The following GRIK1 variants were observed in gnomAD, a reference collection of about 807,000 sequenced individuals.
The protein encoded by GRIK1 is glutamate receptor ionotropic, kainate 1.
A neutral mutation model predicts 105.7 loss-of-function variants in GRIK1; 69 were observed. That is an observed-to-expected ratio of 0.65 (90% confidence interval 0.54 to 0.80). GRIK1 has a LOEUF of 0.80. GRIK1 is among the 30% of genes least tolerant of loss of function. GRIK1 has a pLI of 0.00. For missense variants in GRIK1, 1,109 were observed against 1,167.3 expected (o/e 0.95, Z 0.73); for synonymous variants, 438 against 431.3 (o/e 1.02, Z -0.19).
rs74887257 is a variant in GRIK1, at chr21:29,924,582, C to A, written c.118+14801G>T. Reference sequence around the variant, plus strand: ...TATGAGGTCAATGTGCAATTCCCAACCTACCTATCTTAGCATTTACCTGAA... The same window carrying A: ...TATGAGGTCAATGTGCAATTCCCAAACTACCTATCTTAGCATTTACCTGAA... On this transcript the variant is annotated intron_variant, in intron 1 of 17. Coordinates refer to ENST00000327783, the MANE Select transcript of GRIK1 (RefSeq NM_001330994.2). Among the ~76,000 whole-genome samples the A allele has an allele frequency of 9.7e-3, 1,484 of 152,240 alleles. 18 individuals carry two copies. Among genetic ancestry groups the A allele is most frequent in the African/African-American group, 0.034 (1,425 of 41,542 alleles).
intron 2 of GRIK1, among the ~76,000 whole-genome samples, chr21:29,691,655 C>T (rs1051119441): frequency 5.3e-5 from 8 of 152,210 alleles, no homozygotes; most frequent in South Asian, 2.1e-4. Context: ...AAATTTAGAA[C>T]GGTCATCAGA....
At chr21:29,811,942 A>G (rs928002225) in intron 1 of GRIK1, among the ~76,000 whole-genome samples, 2 of 152,064 alleles carry the variant, frequency 1.3e-5, no homozygotes, top group African/African-American at 2.4e-5. Flanking sequence ...TTCTTACTAT[A>G]TCAGGTCTCT....
chr21:29,871,105 T>A (rs1423888251), intron 1 of GRIK1, among the ~76,000 whole-genome samples: 3 of 152,144 alleles, frequency 2.0e-5, no homozygotes, highest in African/African-American at 7.2e-5. Flanking sequence ...TCTTCTGCTC[T>A]CCCTGGATAA....
chr21:29,680,265 C>A (rs1033686209), intron 3 of GRIK1, among the ~76,000 whole-genome samples: 3 of 152,162 alleles, frequency 2.0e-5, no homozygotes, highest in Admixed American at 6.5e-5. Flanking sequence ...CCCAATGTCA[C>A]CACACAAATG....
intron 1 of GRIK1, among the ~76,000 whole-genome samples, chr21:29,861,856 C>T (rs2068650779): frequency 6.6e-6 from 1 of 152,078 alleles, no homozygotes; most frequent in Non-Finnish European, 1.5e-5. Flanking sequence ...TTATTGGATT[C>T]AGCTTGCTAA....
intron 1 of GRIK1, among the ~76,000 whole-genome samples, chr21:29,853,358 T>C (rs1435199796): frequency 6.6e-6 from 1 of 152,238 alleles, no homozygotes. Flanking sequence ...GGCAGCACCC[T>C]TGGCCAAGAA....
At chr21:29,705,531 A>G (rs1216996233) in intron 1 of GRIK1, among the ~76,000 whole-genome samples, 1 of 152,224 alleles carries the variant, frequency 6.6e-6, no homozygotes, top group African/African-American at 2.4e-5. Context: ...TGATCTGTAG[A>G]TCTACTCTCT....
At chr21:29,744,193 A>C (rs1003252749) in intron 1 of GRIK1, among the ~76,000 whole-genome samples, 1 of 152,238 alleles carries the variant, frequency 6.6e-6, no homozygotes, top group African/African-American at 2.4e-5. Context: ...TTCCTGGTCC[A>C]GGGACCTACT....
chr21:29,863,441 T>C (rs2068707898), intron 1 of GRIK1, among the ~76,000 whole-genome samples: 1 of 152,240 alleles, frequency 6.6e-6, no homozygotes, highest in African/African-American at 2.4e-5. Context: ...TTTTCTATTT[T>C]ACCTTTCAGA....
intron 1 of GRIK1, among the ~76,000 whole-genome samples, chr21:29,786,902 G>C (rs1415903378): frequency 6.6e-6 from 1 of 152,006 alleles, no homozygotes; most frequent in South Asian, 2.1e-4. Flanking sequence ...TTGATGGATA[G>C]CCTTGCTTTG....
intron 3 of GRIK1, among the ~76,000 whole-genome samples, chr21:29,685,943 A>G (rs944157633): frequency 1.3e-5 from 2 of 152,044 alleles, no homozygotes; most frequent in African/African-American, 4.8e-5. Flanking sequence ...TCCCTTGAAG[A>G]CTCTTATTTC....
chr21:29,632,352 A>G (rs1217711579), intron 7 of GRIK1, among the ~76,000 whole-genome samples: 2 of 152,150 alleles, frequency 1.3e-5, no homozygotes, highest in Admixed American at 1.3e-4. Flanking sequence ...GCCACATACT[A>G]GGTATTCAGT....
intron 12 of GRIK1, among the ~76,000 whole-genome samples, chr21:29,584,051 T>A (rs2091078415): frequency 6.6e-6 from 1 of 152,034 alleles, no homozygotes; most frequent in Non-Finnish European, 1.5e-5. Flanking sequence ...TATAGAAGAG[T>A]AGCCTTATGT....
At chr21:29,837,822 A>AATAGTCTTAT (rs1217672372) in intron 1 of GRIK1, among the ~76,000 whole-genome samples, 1 of 152,176 alleles carries the variant, frequency 6.6e-6, no homozygotes, top group African/African-American at 2.4e-5. Flanking sequence ...AAAAACACAC[A>AATAGTCTTAT]ATAGTCTTAT....
At chr21:29,734,406 C>CTTTTCTTTT (rs2064726979) in intron 1 of GRIK1, among the ~76,000 whole-genome samples, 4 of 56,794 alleles carry the variant, frequency 7.0e-5, no homozygotes, top group African/African-American at 2.4e-4. Flanking sequence ...CTTTTCTTTT[C>CTTTTCTTTT]TTTTCTTTTC....
At chr21:29,642,019 T>C (rs2062520568) in intron 7 of GRIK1, among the ~76,000 whole-genome samples, 1 of 152,166 alleles carries the variant, frequency 6.6e-6, no homozygotes. Flanking sequence ...CTGTATCCCA[T>C]AGAGAAATAT....
intron 12 of GRIK1, among the ~76,000 whole-genome samples, chr21:29,584,391 A>T (rs1054813957): frequency 6.6e-6 from 1 of 152,210 alleles, no homozygotes; most frequent in Non-Finnish European, 1.5e-5. Flanking sequence ...CAGACATTCT[A>T]TCTGGATATT....
Position 29,651,425 on chromosome 21 carries a change from A to G in GRIK1, c.781-134T>C, listed in dbSNP as rs2062735060. ...CTGTGGTTTTGTGGTTCATGGTTTCAGTTACCTGCGGTCAACCACAGTTGG... is the reference window on the plus strand; with the variant it reads ...CTGTGGTTTTGTGGTTCATGGTTTCGGTTACCTGCGGTCAACCACAGTTGG... On this transcript the variant is annotated intron_variant, in intron 5 of 17. Coordinates refer to ENST00000327783, the MANE Select transcript of GRIK1 (RefSeq NM_001330994.2). 16 of 617,776 alleles carry G rather than the reference A, an allele frequency of 2.6e-5. No homozygotes were observed. The South Asian group carries it at 4.0e-4, about 16-fold the overall frequency. 38.3% of individuals were successfully genotyped at this position (617,776 alleles called of 1,614,324 possible).
In GRIK1 at chr21:29,676,646, A is replaced by G. The variant is rs201189184; in HGVS notation, c.545-3482T>C. ...GAACCCCAGTTGCAGTGAATGGTGA[A>G]GGTGCATGTAATGCTGATAACGTGA... On this transcript the variant is annotated intron_variant, in intron 3 of 17. Coordinates refer to ENST00000327783, the MANE Select transcript of GRIK1 (RefSeq NM_001330994.2). 2.0e-5 allele frequency among the ~76,000 whole-genome samples: 3 copies of G among 152,306 alleles called. No individual in the cohort carries two copies. The East Asian group carries it at 5.8e-4, about 29-fold the overall frequency.
Sources: gnomAD v4.1 joint callset for allele counts (sites outside exome capture counted in the v4.1 genomes callset) on GRCh38, gnomAD v4.1.1 for gene constraint, MANE v1.5 for transcripts, NCBI Gene and HGNC (gene_info 2026-07-23, HGNC 2026-07-21) for gene names.